Variants in CCDC33 observed in about 807,000 individuals in gnomAD.
CCDC33 encodes coiled-coil domain-containing protein 33.
A neutral mutation model predicts 91.9 loss-of-function variants in CCDC33; 94 were observed. The ratio of observed to expected loss-of-function variants is 1.02; its 90% confidence interval spans 0.87 to 1.21. The LOEUF (loss-of-function observed/expected upper bound fraction) is 1.21, where lower values mean the gene tolerates loss of function less well. Ranked by LOEUF, CCDC33 falls within the 50% of genes most tolerant of loss-of-function variation. CCDC33 has a pLI of 0.00. For missense variants in CCDC33, 940 were observed against 935.5 expected, an observed-to-expected ratio of 1.00 and a Z score of -0.06; for synonymous variants, 396 against 374.5, an observed-to-expected ratio of 1.06 and a Z score of -0.66.
intron 2 of CCDC33, among the ~76,000 whole-genome samples, chr15:74,258,201 C>A (rs2075923580): frequency 6.6e-6 from 1 of 152,236 alleles, no homozygotes; most frequent in African/African-American, 2.4e-5. Context: ...ATCCACTATT[C>A]CCAGTGCCTG....
chr15:74,326,524 G>A (rs188863564), intron 11 of CCDC33, among the ~76,000 whole-genome samples: 3 of 152,330 alleles, frequency 2.0e-5, no homozygotes, highest in Non-Finnish European at 2.9e-5. Context: ...GAGCCAAAGC[G>A]AAGGTGTCGG....
intron 11 of CCDC33, among the ~76,000 whole-genome samples, chr15:74,304,909 C>T (rs1358771266): frequency 6.6e-6 from 1 of 152,084 alleles, no homozygotes; most frequent in Non-Finnish European, 1.5e-5. Flanking sequence ...GTACCCAAGA[C>T]CCCCGAATGG....
intron 11 of CCDC33, among the ~76,000 whole-genome samples, chr15:74,296,703 C>T (rs1332370028): frequency 1.3e-5 from 2 of 152,216 alleles, no homozygotes; most frequent in African/African-American, 4.8e-5. Context: ...ATGGGAGCTG[C>T]TGTGTTTTCC....
At chr15:74,222,425 G>A (rs924493078) in intron 2 of CCDC33, among the ~76,000 whole-genome samples, 2 of 151,554 alleles carry the variant, frequency 1.3e-5, no homozygotes, top group Non-Finnish European at 2.9e-5. Context: ...CCCTCCCCCA[G>A]CATTTACCTC....
intron 9 of CCDC33, among the ~76,000 whole-genome samples, chr15:74,281,456 A>G (rs1027131701): frequency 3.3e-5 from 5 of 152,258 alleles, no homozygotes; most frequent in Non-Finnish European, 1.5e-5. Context: ...AATGAATAAT[A>G]TCGTTACCAT....
At chr15:74,232,037 C>T (rs915292072), upstream of CCDC33, among the ~76,000 whole-genome samples, 6 of 152,168 alleles carry the variant, frequency 3.9e-5, no homozygotes, top group Admixed American at 2.0e-4. Context: ...AAAAGACTCA[C>T]AGCAATAACT....
chr15:74,210,360 A>G (rs1020450010), intron 2 of CCDC33, among the ~76,000 whole-genome samples: 2 of 152,244 alleles, frequency 1.3e-5, no homozygotes, highest in Non-Finnish European at 2.9e-5. Context: ...GAATGAGGTA[A>G]TTCTCTGGAC....
At chr15:74,217,510 T>A in exon 1 of CCDC33, 1 of 1,288,132 alleles carries the variant, frequency 7.8e-7, no homozygotes, top group Non-Finnish European at 1.0e-6. Context: ...ATCACTGATG[T>A]CATTGAGCAG....
chr15:74,306,882 G>C (rs2059903149), intron 11 of CCDC33, among the ~76,000 whole-genome samples: 1 of 152,158 alleles, frequency 6.6e-6, no homozygotes, highest in Admixed American at 6.5e-5. Flanking sequence ...AGGAGACATG[G>C]AGTCAGTTCT....
chr15:74,210,698 G>A (rs984548313), intron 2 of CCDC33, among the ~76,000 whole-genome samples: 1 of 152,208 alleles, frequency 6.6e-6, no homozygotes, highest in African/African-American at 2.4e-5. Context: ...TCACTGAGCT[G>A]TGTGAATTTG....
intron 2 of CCDC33, among the ~76,000 whole-genome samples, chr15:74,219,183 C>A (rs754745377): frequency 2.0e-5 from 3 of 152,320 alleles, no homozygotes; most frequent in Non-Finnish European, 4.4e-5. Context: ...TGGGAGGCCC[C>A]GAGTGACCAG....
chr15:74,250,032 C>G (rs1362111074), intron 2 of CCDC33, among the ~76,000 whole-genome samples: 1 of 152,144 alleles, frequency 6.6e-6, no homozygotes, highest in African/African-American at 2.4e-5. Context: ...TACTCTTTTT[C>G]CATGTGATCC....
chr15:74,225,870 C>G (rs1453611849), intron 2 of CCDC33, among the ~76,000 whole-genome samples: 1 of 152,174 alleles, frequency 6.6e-6, no homozygotes, highest in African/African-American at 2.4e-5. Flanking sequence ...TAGGCCAGCC[C>G]AGCCACCCCC....
At chr15:74,250,440 C>A (rs1349387892) in intron 2 of CCDC33, among the ~76,000 whole-genome samples, 4 of 152,192 alleles carry the variant, frequency 2.6e-5, no homozygotes, top group Non-Finnish European at 4.4e-5. Flanking sequence ...TGTTCCCTCC[C>A]ACCCTAGGCA....
chr15:74,290,668 T>A (rs1004332598), intron 10 of CCDC33, among the ~76,000 whole-genome samples: 2 of 152,188 alleles, frequency 1.3e-5, no homozygotes, highest in African/African-American at 4.8e-5. Context: ...CATGGAGGCA[T>A]GACAGTGTCT....
chr15:74,315,269 CT>C (rs1484401050), intron 11 of CCDC33, among the ~76,000 whole-genome samples: 1 of 152,222 alleles, frequency 6.6e-6, no homozygotes, highest in Admixed American at 6.5e-5. Flanking sequence ...GTGCCCCACC[CT>C]GAGTTCAGCT....
rs924113086 is a variant in CCDC33 at position 74,206,368 on chromosome 15, C to A, written n.90-3020C>A. Reference sequence around the variant, plus strand: ...TACCTCCTCAGCTTGGGGCTAGAATCGCTTGGAGCTCCCATCTGCAAAATG... The same window carrying A: ...TACCTCCTCAGCTTGGGGCTAGAATAGCTTGGAGCTCCCATCTGCAAAATG... On this transcript the variant is annotated intron_variant and non_coding_transcript_variant, in intron 1 of 3. Transcript: ENST00000558645. Among the ~76,000 whole-genome samples, 6 of 152,150 alleles carry A rather than the reference C, an allele frequency of 3.9e-5. No individual in the cohort carries two copies. In the East Asian group the frequency reaches 9.7e-4, roughly 25 times the overall value.
intron 7 of CCDC33, among the ~76,000 whole-genome samples, chr15:74,274,393 G>A (rs1440954978): frequency 6.6e-6 from 1 of 152,214 alleles, no homozygotes; most frequent in South Asian, 2.1e-4. Context: ...GGCCTTGGGG[G>A]ACAGAGGGAT....
intron 2 of CCDC33, among the ~76,000 whole-genome samples, chr15:74,249,900 C>A (rs1295204321): frequency 2.0e-5 from 3 of 152,208 alleles, no homozygotes; most frequent in Non-Finnish European, 4.4e-5. Flanking sequence ...CTTTCTCCCC[C>A]TCCAAGTTAC....
Sources: gnomAD v4.1 joint callset for allele counts (sites outside exome capture counted in the v4.1 genomes callset) on GRCh38, gnomAD v4.1.1 for gene constraint, MANE v1.5 for transcripts, NCBI Gene and HGNC (gene_info 2026-07-23, HGNC 2026-07-21) for gene names.